Variants in LINGO1 observed in about 807,000 individuals in gnomAD.
The protein encoded by LINGO1 is leucine-rich repeat and immunoglobulin-like domain-containing nogo receptor-interacting protein 1.
Under a neutral mutation model 37.3 loss-of-function variants are expected in LINGO1, and 11 were observed. That is an observed-to-expected ratio of 0.29 (90% CI 0.19 to 0.49). The LOEUF (loss-of-function observed/expected upper bound fraction) is 0.49, where lower values mean the gene tolerates loss of function less well. LINGO1 is among the 20% of genes least tolerant of loss of function. LINGO1 has a pLI of 0.99. For missense variants in LINGO1, 585 were observed against 878.2 expected, an observed-to-expected ratio of 0.67 and a Z score of 4.22; for synonymous variants, 387 against 403.0, an observed-to-expected ratio of 0.96 and a Z score of 0.48.
chr15:77,655,768 AC>A (rs1321615258), intron 3 of LINGO1, among the ~76,000 whole-genome samples: 2 of 152,090 alleles, frequency 1.3e-5, no homozygotes, highest in African/African-American at 4.8e-5. Flanking sequence ...TTCTCAGGAC[AC>A]CCAGCCCCAG....
At chr15:77,644,611 C>T (rs1328309090) in intron 3 of LINGO1, among the ~76,000 whole-genome samples, 1 of 152,150 alleles carries the variant, frequency 6.6e-6, no homozygotes, top group African/African-American at 2.4e-5. Context: ...GGAAATGGGC[C>T]CCAGAGCAGA....
intron 1 of LINGO1, among the ~76,000 whole-genome samples, chr15:77,808,379 C>G (rs1332673768): frequency 6.6e-6 from 1 of 152,128 alleles, no homozygotes; most frequent in African/African-American, 2.4e-5. Context: ...GGGCAAAGGC[C>G]TTGAGAGGGA....
chr15:77,750,531 C>T (rs1240518294), intron 1 of LINGO1, among the ~76,000 whole-genome samples: 2 of 152,158 alleles, frequency 1.3e-5, no homozygotes, highest in African/African-American at 4.8e-5. Context: ...CCTGGGAGTT[C>T]CGGTGCGTGC....
At position 77,615,343 on chromosome 15, in the gene LINGO1, G is replaced by A. The variant is rs746837425; in HGVS notation, c.564C>T (p.Ser188=). 1.1e-5 allele frequency: 18 copies of A among 1,613,810 alleles called. No individual in the cohort carries two copies. The highest frequency in any genetic ancestry group is 6.7e-5 in the Admixed American group (4 of 60,008). The part of the protein sequence containing the change: ...DLVYISHRAF[S]GLNSLEQLTL... Reference sequence around the variant, plus strand: ...TCAGCTGCTCCAGGCTGTTGAGGCCGCTGAAGGCGCGGTGAGAGATGTAGA... The same window carrying A: ...TCAGCTGCTCCAGGCTGTTGAGGCCACTGAAGGCGCGGTGAGAGATGTAGA... The change falls in exon 2 of 2, where the codon AGC becomes AGT. Residue 188 remains serine, a synonymous_variant. Coordinates refer to ENST00000355300, the MANE Select transcript of LINGO1 (RefSeq NM_032808.7).
intron 1 of LINGO1, among the ~76,000 whole-genome samples, chr15:77,758,351 G>A (rs1055526123): frequency 2.0e-5 from 3 of 152,158 alleles, no homozygotes; most frequent in Non-Finnish European, 4.4e-5. Flanking sequence ...ACCCCAAGGC[G>A]GGCGCTCCCC....
rs568080081 is a variant in LINGO1 at position 77,722,876 on chromosome 15, C to T, written c.-195+12116G>A. On this transcript the variant is annotated intron_variant, in intron 2 of 3. Transcript: ENST00000561686. ...TAACCCAGGGGTGCACTCTCCAGCCCCTCACGCAGTAACCCGGGGAGGGCA... is the reference window on the plus strand; with the variant it reads ...TAACCCAGGGGTGCACTCTCCAGCCTCTCACGCAGTAACCCGGGGAGGGCA... 1.3e-3 allele frequency among the ~76,000 whole-genome samples: 205 copies of T among 152,218 alleles called. 2 individuals are homozygous for T. Among genetic ancestry groups the T allele is most frequent in the African/African-American group, 4.8e-3 (201 of 41,532 alleles).
intron 1 of LINGO1, among the ~76,000 whole-genome samples, chr15:77,771,920 G>A (rs1049127566): frequency 6.6e-6 from 1 of 152,180 alleles, no homozygotes; most frequent in African/African-American, 2.4e-5. Flanking sequence ...GTTTCTCCTC[G>A]TTCAGAGGTT....
At chr15:77,701,789 G>C (rs143250794) in intron 2 of LINGO1, among the ~76,000 whole-genome samples, 1 of 152,076 alleles carries the variant, frequency 6.6e-6, no homozygotes, top group South Asian at 2.1e-4. Flanking sequence ...GCTCCCTGAG[G>C]CCCCCTCCCC....
chr15:77,695,749 C>T (rs1390134912), intron 1 of LINGO1, among the ~76,000 whole-genome samples: 1 of 152,198 alleles, frequency 6.6e-6, no homozygotes, highest in South Asian at 2.1e-4. Flanking sequence ...CCATGCCGGC[C>T]GATCTGTGGC....
In LINGO1 at chr15:77,716,247, C is replaced by G. The variant is rs180835767; in HGVS notation, c.-195+18745G>C. On this transcript the variant is annotated intron_variant, in intron 2 of 3. Coordinates refer to the LINGO1 transcript ENST00000561686. Reference sequence around the variant, plus strand: ...AGCTTCTCAATACAGACACTGCTCCCCACTTTGGGCTATTTTCTTTCTTCT... The same window carrying G: ...AGCTTCTCAATACAGACACTGCTCCGCACTTTGGGCTATTTTCTTTCTTCT... Among the ~76,000 whole-genome samples, 343 of 149,498 alleles carry G rather than the reference C, an allele frequency of 2.3e-3. 56 individuals carry two copies. In the East Asian group the frequency reaches 0.059, roughly 26 times the overall value.
intron 2 of LINGO1, among the ~76,000 whole-genome samples, chr15:77,730,476 G>A (rs1406039672): frequency 1.3e-5 from 2 of 152,182 alleles, no homozygotes; most frequent in African/African-American, 4.8e-5. Context: ...CAGGGGCTCG[G>A]GCAGTGCACA....
At chr15:77,817,288 G>C (rs2077056654) in intron 1 of LINGO1, among the ~76,000 whole-genome samples, 1 of 152,186 alleles carries the variant, frequency 6.6e-6, no homozygotes, top group African/African-American at 2.4e-5. Flanking sequence ...GGGAGGAAGT[G>C]GCCACAATAG....
intron 1 of LINGO1, among the ~76,000 whole-genome samples, chr15:77,618,121 A>C (rs1423188203): frequency 1.3e-5 from 2 of 152,226 alleles, no homozygotes; most frequent in Admixed American, 6.5e-5. Context: ...GGGGACCTCA[A>C]TAGGTAAATA....
chr15:77,797,551 G>T (rs2076883594), intron 1 of LINGO1, among the ~76,000 whole-genome samples: 1 of 152,212 alleles, frequency 6.6e-6, no homozygotes, highest in Non-Finnish European at 1.5e-5. Flanking sequence ...GGTGCCCAGG[G>T]GTGGCTTCAA....
chr15:77,761,421 T>C (rs2076475884), intron 1 of LINGO1, among the ~76,000 whole-genome samples: 1 of 152,192 alleles, frequency 6.6e-6, no homozygotes, highest in Non-Finnish European at 1.5e-5. Context: ...ACAGTCTTGC[T>C]GATGGCGCAG....
Position 77,690,320 on chromosome 15 carries a change from C to T in LINGO1, c.-99+400G>A, listed in dbSNP as rs1296248717. On this transcript the variant is annotated intron_variant, in intron 2 of 3. Transcript: ENST00000559893. ...TGTTCTGTCAGAGAAGATTTTGTCT[C>T]CACCCCCAACCCTAGTTCCAAACCT... 2.0e-5 allele frequency among the ~76,000 whole-genome samples: 3 copies of T among 152,154 alleles called. No homozygotes were observed. In the East Asian group the frequency reaches 5.8e-4, roughly 29 times the overall value.
intron 1 of LINGO1, among the ~76,000 whole-genome samples, chr15:77,629,360 A>C (rs1005493323): frequency 6.6e-6 from 1 of 151,992 alleles, no homozygotes; most frequent in African/African-American, 2.4e-5. Context: ...AGAATGCCTT[A>C]AATGTATTGG....
Position 77,719,538 on chromosome 15 carries a change from C to T in LINGO1, c.-195+15454G>A, listed in dbSNP as rs549844571. On this transcript the variant is annotated intron_variant, in intron 2 of 3. Coordinates refer to the LINGO1 transcript ENST00000561686. ...GGGAGACACACGGGGGCAGCCACCA[C>T]GCAGCACTCGGCTCCTGCCGGCATA... Among the ~76,000 whole-genome samples the T allele has an allele frequency of 2.5e-4, 38 of 149,662 alleles. 1 individual carries two copies. Among genetic ancestry groups the T allele is most frequent in the African/African-American group, 7.3e-4 (30 of 41,316 alleles).
In LINGO1 at chr15:77,632,275, C is replaced by T; in HGVS notation, c.6+35G>A. ...CCCAGGGGCACTCGCCGCGGGGCTG[C>T]CCGCTCGGGGCTCGGCCGCGGCCGC... On this transcript the variant is annotated intron_variant, in intron 1 of 1. Coordinates refer to ENST00000355300, the MANE Select transcript of LINGO1 (RefSeq NM_032808.7). This position sits in a 1 kb window ranked among gnomAD's most constrained non-coding sequence, Gnocchi z 6.0. The T allele has an allele frequency of 7.2e-7, 1 of 1,398,568 alleles. No individual in the cohort carries two copies. The highest frequency in any genetic ancestry group is 9.3e-7 in the Non-Finnish European group (1 of 1,078,394). 86.6% of individuals were successfully genotyped at this position (1,398,568 alleles called of 1,614,324 possible).
Sources: allele counts gnomAD v4.1 joint callset (sites outside exome capture counted in the v4.1 genomes callset), GRCh38; gene constraint gnomAD v4.1.1; non-coding constraint Gnocchi (gnomAD v3.1); transcripts MANE v1.5; gene names NCBI Gene and HGNC (gene_info 2026-07-23, HGNC 2026-07-21).